Variants in PCDH11Y observed in about 807,000 individuals in gnomAD.
PCDH11Y encodes the protein protocadherin 11 Y-linked.
For missense variants in PCDH11Y, 12 were observed against 224.8 expected (o/e 0.05, Z 6.05); for synonymous variants, 9 against 83.6 (o/e 0.11, Z 4.87).
chrY:5,044,890 T>G, intron 3 of PCDH11Y, among the ~76,000 whole-genome samples: 1 of 33,126 alleles, frequency 3.0e-5, no homozygotes, highest in Non-Finnish European at 7.4e-5. Flanking sequence ...TCTTTTGATC[T>G]TTGTTGGTTT....
intron 2 of PCDH11Y, among the ~76,000 whole-genome samples, chrY:5,390,020 A>G: frequency 3.0e-5 from 1 of 33,615 alleles, no homozygotes; most frequent in African/African-American, 1.2e-4. Context: ...GGTATCATAA[A>G]TAGAGTTTAA....
At chrY:5,683,095 A>T in intron 4 of PCDH11Y, among the ~76,000 whole-genome samples, 1 of 33,229 alleles carries the variant, frequency 3.0e-5, no homozygotes, top group Non-Finnish European at 7.5e-5. Context: ...CGAGGAAACT[A>T]CTAGAACTGA....
intron 1 of PCDH11Y, among the ~76,000 whole-genome samples, chrY:5,061,630 T>C (rs2052675422): frequency 3.0e-5 from 1 of 33,161 alleles, no homozygotes; most frequent in Non-Finnish European, 7.4e-5. Context: ...ATTTTCTGCT[T>C]CAAATTTCCA....
intron 2 of PCDH11Y, among the ~76,000 whole-genome samples, chrY:5,319,840 G>T: frequency 3.1e-5 from 1 of 32,169 alleles, no homozygotes; most frequent in African/African-American, 1.2e-4. Context: ...TTCTTCTTTG[G>T]TTACTTTTGT....
intron 2 of PCDH11Y, among the ~76,000 whole-genome samples, chrY:5,275,708 G>A: frequency 3.0e-5 from 1 of 33,174 alleles, no homozygotes; most frequent in Non-Finnish European, 7.5e-5. Context: ...AATATAGTTC[G>A]AAAGCACTAT....
intron 2 of PCDH11Y, among the ~76,000 whole-genome samples, chrY:5,497,126 A>G (rs2053345780): frequency 3.0e-5 from 1 of 33,564 alleles, no homozygotes; most frequent in Non-Finnish European, 7.3e-5. Flanking sequence ...GAGTCTTTAT[A>G]GTAGAATGAT....
downstream of PCDH11Y, among the ~76,000 whole-genome samples, chrY:5,108,492 A>G (rs2052797404): frequency 3.0e-5 from 1 of 32,944 alleles, no homozygotes; most frequent in Non-Finnish European, 7.5e-5. Flanking sequence ...TTATGCCTGT[A>G]ATCCCAGTAC....
intron 2 of PCDH11Y, among the ~76,000 whole-genome samples, chrY:5,443,013 C>T (rs2053283877): frequency 1.7e-3 from 55 of 32,851 alleles, no homozygotes; most frequent in Non-Finnish European, 3.6e-3. Context: ...CAATTCTATA[C>T]AAACTCCAAA....
chrY:5,015,890 G>A (rs2052560685), intron 1 of PCDH11Y, among the ~76,000 whole-genome samples: 1 of 31,653 alleles, frequency 3.2e-5, no homozygotes, highest in Non-Finnish European at 7.7e-5. Context: ...TAGTGAATGG[G>A]TATCATGATA....
intron 4 of PCDH11Y, among the ~76,000 whole-genome samples, chrY:5,604,905 A>G: frequency 3.1e-5 from 1 of 32,427 alleles, no homozygotes; most frequent in African/African-American, 1.2e-4. Flanking sequence ...ACGCCTGATA[A>G]CCACTGTTCT....
At chrY:5,004,670 T>G in intron 1 of PCDH11Y, among the ~76,000 whole-genome samples, 1 of 33,861 alleles carries the variant, frequency 3.0e-5, no homozygotes, top group Non-Finnish European at 7.3e-5. Flanking sequence ...AAGAAAATTA[T>G]TCAGGGAATG....
chrY:5,134,220 T>A, intron 2 of PCDH11Y, among the ~76,000 whole-genome samples: 1 of 33,725 alleles, frequency 3.0e-5, no homozygotes, highest in African/African-American at 1.2e-4. Flanking sequence ...TCAGCTTTGC[T>A]AAATTTATCA....
At chrY:5,296,622 A>C in intron 2 of PCDH11Y, among the ~76,000 whole-genome samples, 3 of 32,297 alleles carry the variant, frequency 9.3e-5, no homozygotes, top group Non-Finnish European at 2.3e-4. Flanking sequence ...TTCCACAGGC[A>C]GAGGAGCCTC....
At chrY:5,667,726 CT>C (rs2053546081) in intron 4 of PCDH11Y, among the ~76,000 whole-genome samples, 1 of 33,377 alleles carries the variant, frequency 3.0e-5, no homozygotes, top group Admixed American at 2.8e-4. Context: ...CTTCTGGCAT[CT>C]TATCATCAGC....
intron 3 of PCDH11Y, among the ~76,000 whole-genome samples, chrY:5,533,757 T>A: frequency 3.0e-5 from 1 of 33,452 alleles, no homozygotes; most frequent in Non-Finnish European, 7.4e-5. Flanking sequence ...TCTTTCATCA[T>A]TTTAAGATAC....
upstream of PCDH11Y, among the ~76,000 whole-genome samples, chrY:5,051,090 C>G: frequency 3.1e-5 from 1 of 32,488 alleles, no homozygotes; most frequent in African/African-American, 1.2e-4. Flanking sequence ...TTCCTTTACA[C>G]GAGGGACCTT....
downstream of PCDH11Y, chrY:5,101,498 CTG>C: frequency 2.2e-5 from 1 of 44,451 alleles, no homozygotes; most frequent in Non-Finnish European, 4.3e-5. Context: ...ACAAAGAAAA[CTG>C]TGGGCATATT....
intron 3 of PCDH11Y, among the ~76,000 whole-genome samples, chrY:5,547,798 C>G (rs1602941540): frequency 1.2e-4 from 4 of 32,318 alleles, no homozygotes; most frequent in Admixed American, 2.9e-4. Flanking sequence ...GCCACAGCCT[C>G]TCAAGTAGCT....
chrY:5,316,414 A>G, intron 2 of PCDH11Y, among the ~76,000 whole-genome samples: 2 of 32,515 alleles, frequency 6.2e-5, no homozygotes, highest in South Asian at 1.4e-3. Flanking sequence ...AATGTTTCCT[A>G]TTTTACAATA....
Sources: allele counts gnomAD v4.1 joint callset (sites outside exome capture counted in the v4.1 genomes callset), GRCh38; gene constraint gnomAD v4.1.1; transcripts MANE v1.5; gene names NCBI Gene and HGNC (gene_info 2026-07-23, HGNC 2026-07-21).